Variants in PPHLN1 observed in about 807,000 individuals in gnomAD.
The protein encoded by PPHLN1 is periphilin 1, also known as periphilin-1.
In PPHLN1, 29 loss-of-function variants were observed where a neutral mutation model predicts 51.3. The ratio of observed to expected loss-of-function variants is 0.57; its 90% CI spans 0.42 to 0.77. The LOEUF (loss-of-function observed/expected upper bound fraction) is 0.77, where lower values mean the gene tolerates loss of function less well. Among genes scored for constraint, PPHLN1 ranks in the 30% least tolerant of loss-of-function variants. The pLI is 0.00. For missense variants in PPHLN1, 436 were observed against 438.4 expected (o/e 0.99, Z 0.05); for synonymous variants, 147 against 147.8 (o/e 0.99, Z 0.04).
intron 7 of PPHLN1, among the ~76,000 whole-genome samples, chr12:42,389,922 A>G (rs2077540637): frequency 6.6e-6 from 1 of 152,206 alleles, no homozygotes; most frequent in African/African-American, 2.4e-5. Flanking sequence ...CCCTCACTAT[A>G]CCATTCTTCT....
intron 4 of PPHLN1, among the ~76,000 whole-genome samples, chr12:42,363,790 CT>C (rs1433225321): frequency 1.1e-4 from 16 of 152,162 alleles, no homozygotes; most frequent in African/African-American, 3.1e-4. Flanking sequence ...TCAAAACATA[CT>C]TATAGATGAA....
Position 42,335,520 on chromosome 12 carries a change from A to G in PPHLN1, c.-20-363A>G, listed in dbSNP as rs540405515. Among the ~76,000 whole-genome samples the G allele has an allele frequency of 1.3e-4, 20 of 152,300 alleles. 1 individual carries two copies. The South Asian group carries it at 3.9e-3, about 30-fold the overall frequency. On this transcript the variant is annotated intron_variant, in intron 1 of 9. Coordinates refer to ENST00000358314, the MANE Select transcript of PPHLN1 (RefSeq NM_201439.2). ...ATAGGAATAACTTTGCCGATCAGCC[A>G]TTTAAACGATTCATTAAAAAATGAA... is the stretch of plus-strand genomic sequence containing the variant.
intron 9 of PPHLN1, among the ~76,000 whole-genome samples, chr12:42,436,488 A>C (rs982159390): frequency 6.6e-6 from 1 of 152,320 alleles, no homozygotes; most frequent in African/African-American, 2.4e-5. Flanking sequence ...TGGTTGTCTC[A>C]TGAGTGCCTC....
intron 2 of PPHLN1, among the ~76,000 whole-genome samples, chr12:42,337,259 TC>T (rs1470122686): frequency 6.6e-6 from 1 of 151,830 alleles, no homozygotes; most frequent in African/African-American, 2.4e-5. Context: ...TTTTTTTTTT[TC>T]TTTTTTCTTT....
At chr12:42,417,397 A>G (rs573392160) in intron 9 of PPHLN1, among the ~76,000 whole-genome samples, 1 of 152,114 alleles carries the variant, frequency 6.6e-6, no homozygotes, top group Non-Finnish European at 1.5e-5. Flanking sequence ...CAGTTTTGCT[A>G]AGAGTAGGGG....
At chr12:42,387,271 G>A (rs2077268999) in intron 6 of PPHLN1, 185 bp from the exon 7 acceptor site, 1 of 529,482 alleles carries the variant, frequency 1.9e-6, no homozygotes, top group Non-Finnish European at 3.0e-6. Context: ...GGTTATTTCA[G>A]ATTGTTGATG....
intron 9 of PPHLN1, among the ~76,000 whole-genome samples, chr12:42,401,539 G>A (rs1008134609): frequency 2.0e-5 from 3 of 151,922 alleles, no homozygotes; most frequent in African/African-American, 7.3e-5. Context: ...AGGGGAGTGA[G>A]CATTACCTCC....
chr12:42,390,629 C>T (rs1047687283), intron 7 of PPHLN1, among the ~76,000 whole-genome samples: 3 of 151,526 alleles, frequency 2.0e-5, no homozygotes, highest in Admixed American at 2.0e-4. Flanking sequence ...TACAGCCCAA[C>T]ACAAATTCCT....
rs1415742582 is a variant in PPHLN1 at position 42,398,774 on chromosome 12, A to G, written c.769-80A>G. On this transcript the variant is annotated intron_variant, in intron 8 of 9. Coordinates refer to ENST00000358314, the MANE Select transcript of PPHLN1 (RefSeq NM_201439.2). ...AATCTAGCACTTAATATAATTTGCC[A>G]GTTAGTGCCTATACACAACCATCTG... 2.3e-6 allele frequency: 3 copies of G among 1,288,098 alleles called. No homozygotes were observed. The African/African-American group carries it at 4.5e-5, about 19-fold the overall frequency. The allele number at this position is 1,288,098 out of a possible 1,614,324, so 79.8% of individuals were successfully genotyped here. A position where few individuals can be genotyped will look rare whatever the true frequency, so the allele number is the denominator to read the frequency against.
At chr12:42,339,430 C>T (rs568372160) in intron 2 of PPHLN1, among the ~76,000 whole-genome samples, 2 of 152,170 alleles carry the variant, frequency 1.3e-5, no homozygotes, top group South Asian at 2.1e-4. Context: ...CTTCTCTTTC[C>T]CTCAATACAT....
At chr12:42,396,722 G>A (rs2078249244) in intron 8 of PPHLN1, among the ~76,000 whole-genome samples, 1 of 147,370 alleles carries the variant, frequency 6.8e-6, no homozygotes, top group South Asian at 2.3e-4. Flanking sequence ...CCCAGGAATT[G>A]AAGTTTGCAG....
At chr12:42,335,095 T>A (rs1422000919) in intron 1 of PPHLN1, among the ~76,000 whole-genome samples, 2 of 152,190 alleles carry the variant, frequency 1.3e-5, no homozygotes, top group African/African-American at 4.8e-5. Context: ...GTTTACCTTG[T>A]CTTTTGTCTG....
intron 3 of PPHLN1, among the ~76,000 whole-genome samples, chr12:42,353,143 C>G (rs530414524): frequency 6.6e-6 from 1 of 152,096 alleles, no homozygotes; most frequent in African/African-American, 2.4e-5. Flanking sequence ...TTCTCTTGAG[C>G]ATTCTTAATA....
intron 1 of PPHLN1, among the ~76,000 whole-genome samples, chr12:42,332,014 A>G (rs1379325189): frequency 6.6e-6 from 1 of 152,180 alleles, no homozygotes; most frequent in Non-Finnish European, 1.5e-5. Flanking sequence ...AGGTTCTAGC[A>G]TGGGGGCAAC....
At chr12:42,433,202 A>G (rs2082190656) in intron 9 of PPHLN1, 10 of 762,576 alleles carry the variant, frequency 1.3e-5, no homozygotes, top group East Asian at 2.5e-5. Flanking sequence ...CCCACCATCC[A>G]CATGGCTCTT....
intron 9 of PPHLN1, among the ~76,000 whole-genome samples, chr12:42,423,416 A>G (rs971837734): frequency 6.6e-6 from 1 of 152,104 alleles, no homozygotes; most frequent in Non-Finnish European, 1.5e-5. Flanking sequence ...TGTGCTATTT[A>G]TATTAGTTAT....
chr12:42,414,541 A>G (rs2080194115), intron 9 of PPHLN1, among the ~76,000 whole-genome samples: 2 of 135,144 alleles, frequency 1.5e-5, no homozygotes, highest in Admixed American at 1.5e-4. Context: ...TTTTGCAGCT[A>G]TTGTAAAAGG....
At chr12:42,438,898 G>C (rs899299356) in intron 9 of PPHLN1, among the ~76,000 whole-genome samples, 1 of 152,150 alleles carries the variant, frequency 6.6e-6, no homozygotes, top group African/African-American at 2.4e-5. Context: ...CACTGCGCCC[G>C]GCCCTCTTAT....
At chr12:42,349,697 CAT>C (rs1025316951) in intron 2 of PPHLN1, among the ~76,000 whole-genome samples, 20 of 152,186 alleles carry the variant, frequency 1.3e-4, no homozygotes, top group African/African-American at 3.4e-4. Context: ...TGACACAGCA[CAT>C]GTTTCAGAGA....
Sources: gnomAD v4.1 joint callset for allele counts (sites outside exome capture counted in the v4.1 genomes callset) on GRCh38, gnomAD v4.1.1 for gene constraint, MANE v1.5 for transcripts, NCBI Gene and HGNC (gene_info 2026-07-23, HGNC 2026-07-21) for gene names.